MROH1: variants seen among roughly 807,000 people sequenced by gnomAD.
MROH1 encodes the protein maestro heat like repeat family member 1, also known as maestro heat-like repeat-containing protein family member 1.
MROH1 carries 117 observed loss-of-function variants against 116.5 expected under a neutral mutation model. That is an observed-to-expected ratio of 1.00 (90% CI 0.86 to 1.17). The LOEUF is 1.17. Ranked by LOEUF, MROH1 falls within the 50% of genes most tolerant of loss-of-function variation. The pLI, the probability that MROH1 is intolerant of heterozygous loss-of-function variation, is 0.00. For synonymous variants in MROH1, 921 were observed against 583.9 expected, an observed-to-expected ratio of 1.58 and a Z score of -8.32; for missense variants, 1,873 against 1,338.5, an observed-to-expected ratio of 1.40 and a Z score of -6.23.
chr8:144,253,833 TTC>T (rs1843236153), intron 33 of MROH1, among the ~76,000 whole-genome samples: 1 of 152,082 alleles, frequency 6.6e-6, no homozygotes, highest in Admixed American at 6.6e-5. Flanking sequence ...ACATCACTGT[TTC>T]TGGCTTCTGT....
intron 1 of MROH1, among the ~76,000 whole-genome samples, chr8:144,158,629 T>C (rs899209807): frequency 1.3e-5 from 2 of 152,268 alleles, no homozygotes; most frequent in African/African-American, 4.8e-5. Flanking sequence ...TTTCAAAGCA[T>C]ATTAAATAGT....
At chr8:144,235,941 A>G (rs1839968777) in intron 14 of MROH1, among the ~76,000 whole-genome samples, 1 of 152,224 alleles carries the variant, frequency 6.6e-6, no homozygotes, top group Non-Finnish European at 1.5e-5. Flanking sequence ...AAGAATAAGG[A>G]CATTGTTCTA....
At chr8:144,164,489 C>G (rs1249656725) in intron 3 of MROH1, among the ~76,000 whole-genome samples, 1 of 151,896 alleles carries the variant, frequency 6.6e-6, no homozygotes, top group Non-Finnish European at 1.5e-5. Flanking sequence ...ACTGCAGCCT[C>G]AAACTCCTGA....
chr8:144,218,687 CCTCTCTCCTCCCCT>C (rs1835862935), intron 12 of MROH1, among the ~76,000 whole-genome samples: 2 of 95,990 alleles, frequency 2.1e-5, no homozygotes, highest in Admixed American at 1.1e-4. Context: ...TCTCCCCTCC[CCTCTCTCCTCCCCT>C]CTCCCCTCCT....
intron 12 of MROH1, among the ~76,000 whole-genome samples, chr8:144,202,311 C>T (rs527428832): frequency 1.3e-5 from 2 of 148,460 alleles, no homozygotes; most frequent in South Asian, 2.1e-4. Context: ...GGGAAGGCAG[C>T]GACCCGCTCT....
chr8:144,228,279 A>G (rs1257826771), intron 14 of MROH1, among the ~76,000 whole-genome samples: 1 of 152,200 alleles, frequency 6.6e-6, no homozygotes. Flanking sequence ...TAAATGTGCA[A>G]TAGCATTATG....
chr8:144,255,757 T>C (rs1248162520), intron 35 of MROH1, 52 bp downstream of exon 35: 16 of 713,782 alleles, frequency 2.2e-5, no homozygotes, highest in African/African-American at 8.7e-5. Context: ...AGCACAGGCA[T>C]GCGTGTGCAC....
Position 144,223,152 on chromosome 8 carries a change from C to T in MROH1, c.1260C>T (p.His420=), listed in dbSNP as rs753931423. The T allele has an allele frequency of 1.7e-5, 28 of 1,612,850 alleles. 1 individual carries two copies. The highest frequency in any genetic ancestry group is 1.1e-4 in the African/African-American group (8 of 74,828). ...AGGTGATTAGCGCCATGGCCCACCA[C>T]GGCTACCTGGAGCAGCCTGGAGGTG... ...VVQVISAMAH[H]GYLEQPGGEA... The change falls in exon 14 of 44, where the codon CAC becomes CAT. Residue 420 remains histidine (H), a synonymous_variant. Transcript: ENST00000326134.
At chr8:144,255,017 C>T (rs1052569724) in intron 34 of MROH1, 39 bp downstream of exon 34, 12 of 716,120 alleles carry the variant, frequency 1.7e-5, no homozygotes, top group Non-Finnish European at 2.8e-5. Context: ...CACGCTGTCC[C>T]TGCCCCGCTT....
intron 33 of MROH1, chr8:144,251,888 T>TGG (rs1842894900): frequency 5.7e-6 from 1 of 175,472 alleles, no homozygotes; most frequent in Non-Finnish European, 1.2e-5. Flanking sequence ...TGCTGTGTGG[T>TGG]GGGTCTTCCC....
At chr8:144,161,810 C>T (rs566028598) in intron 2 of MROH1, among the ~76,000 whole-genome samples, 1 of 152,264 alleles carries the variant, frequency 6.6e-6, no homozygotes, top group African/African-American at 2.4e-5. Flanking sequence ...TCTTCCTGGA[C>T]GACGGAGCTG....
In MROH1 at chr8:144,175,365, C is replaced by T. The variant is rs1052696077; in HGVS notation, c.169-4090C>T. 3.4e-5 allele frequency: 16 copies of T among 464,124 alleles called. No individual in the cohort carries two copies. The African/African-American group carries it at 3.7e-4, about 11-fold the overall frequency. 28.8% of individuals were successfully genotyped at this position (464,124 alleles called of 1,614,324 possible). On this transcript the variant is annotated intron_variant, in intron 4 of 43. Coordinates refer to ENST00000326134, the MANE Select transcript of MROH1 (RefSeq NM_032450.3). Reference sequence around the variant, plus strand: ...GCTGCCCCTCCCCCCCTCCCAGCAACAGGTCTGGTCGGATGGGTATAAATG... The same window carrying T: ...GCTGCCCCTCCCCCCCTCCCAGCAATAGGTCTGGTCGGATGGGTATAAATG...
intron 12 of MROH1, among the ~76,000 whole-genome samples, chr8:144,201,782 G>A (rs1159359969): frequency 6.6e-6 from 1 of 152,132 alleles, no homozygotes; most frequent in Non-Finnish European, 1.5e-5. Context: ...GGAGGCCATG[G>A]CGGGCAGATC....
chr8:144,254,505 C>T (rs1320694353), intron 33 of MROH1: 1 of 326,526 alleles, frequency 3.1e-6, no homozygotes, highest in Non-Finnish European at 5.7e-6. Context: ...GCTGCTTCCT[C>T]CAGGGAAGAT....
At chr8:144,246,080 C>T (rs1220283033) in intron 29 of MROH1, among the ~76,000 whole-genome samples, 1 of 118,840 alleles carries the variant, frequency 8.4e-6, no homozygotes, top group African/African-American at 3.3e-5. Flanking sequence ...TCCTTTCCTT[C>T]CTTTCCTTCC....
At chr8:144,197,463 T>C (rs1830178486) in intron 10 of MROH1, among the ~76,000 whole-genome samples, 1 of 105,774 alleles carries the variant, frequency 9.5e-6, no homozygotes, top group Non-Finnish European at 1.8e-5. Flanking sequence ...TGAGACGGAA[T>C]CTTGCTCTGT....
At chr8:144,218,750 CGCTTCCCCTT>C (rs1835941726) in intron 12 of MROH1, among the ~76,000 whole-genome samples, 2 of 23,654 alleles carry the variant, frequency 8.5e-5, no homozygotes, top group Admixed American at 4.6e-4. Context: ...CCTCCCCTCT[CGCTTCCCCTT>C]TTCCCTCCCC....
Position 144,190,869 on chromosome 8 carries a change from T to G in MROH1, c.648T>G (p.Phe216Leu), listed in dbSNP as rs1175911208. 2 of 1,613,792 alleles carry G rather than the reference T, an allele frequency of 1.2e-6. No homozygotes were observed. The highest frequency in any genetic ancestry group is 1.7e-6 in the Non-Finnish European group (2 of 1,179,868). ...ACCCCACGGTCAGGAAGGACGCCTT[T>G]GCCACCGACATCTTCAGCGCCTACG... ...APDPTVRKDAFATDIFSAYDV... is the reference protein window; with the variant it reads ...APDPTVRKDALATDIFSAYDV... The change falls in exon 8 of 44, where the codon TTT (phenylalanine) becomes TTG (leucine). Residue 216 changes from phenylalanine (F) to leucine (L), a missense_variant. By Grantham distance (22) the Phe-to-Leu change is conservative. Coordinates refer to ENST00000326134, the MANE Select transcript of MROH1 (RefSeq NM_032450.3).
intron 34 of MROH1, 72 bp from the exon 35 acceptor site, chr8:144,255,437 C>G: frequency 1.3e-6 from 1 of 742,948 alleles, no homozygotes; most frequent in Non-Finnish European, 2.5e-6. Flanking sequence ...GGGATGCAGT[C>G]TCATTGGGTG....
Sources: allele counts gnomAD v4.1 joint callset (sites outside exome capture counted in the v4.1 genomes callset), GRCh38; gene constraint gnomAD v4.1.1; transcripts MANE v1.5; gene names NCBI Gene and HGNC (gene_info 2026-07-23, HGNC 2026-07-21).